Variants in GREB1L observed in about 807,000 individuals in gnomAD.
GREB1L encodes GREB1-like protein.
In GREB1L, 17 loss-of-function variants were observed where a neutral mutation model predicts 200.8. That is an observed-to-expected ratio of 0.08 (90% CI 0.06 to 0.13). The LOEUF is 0.13. GREB1L is among the 10% of genes least tolerant of loss of function. GREB1L has a pLI of 1.00. For synonymous variants in GREB1L, 789 were observed against 893.0 expected (o/e 0.88, Z 2.08); for missense variants, 1,657 against 2,367.7 (o/e 0.70, Z 6.23).
Position 21,495,653 on chromosome 18 carries a change from C to A in GREB1L, c.3031-17C>A. The A allele has an allele frequency of 7.8e-7, 1 of 1,279,816 alleles. No individual in the cohort carries two copies. Among genetic ancestry groups the A allele is most frequent in the Non-Finnish European group, 1.1e-6 (1 of 909,294 alleles). 79.3% of individuals were successfully genotyped at this position (1,279,816 alleles called of 1,614,324 possible). A position where few individuals can be genotyped will look rare whatever the true frequency, so the allele number is the denominator to read the frequency against. The stretch of plus-strand genomic sequence containing the variant: ...AAATGAGAGTTTTAATTTTAACATA[C>A]GGGTCTCTTTCTGTAGAGTTGGAGA... On this transcript the variant is annotated splice_polypyrimidine_tract_variant and intron_variant, in intron 19 of 32. Transcript: ENST00000424526.
At chr18:21,471,864 G>A (rs1437701022) in intron 15 of GREB1L, among the ~76,000 whole-genome samples, 7 of 151,852 alleles carry the variant, frequency 4.6e-5, no homozygotes, top group African/African-American at 9.7e-5. Flanking sequence ...CAAGTGGTGC[G>A]CCTGTCTTAG....
At chr18:21,347,461 C>T (rs1475804506) in intron 1 of GREB1L, among the ~76,000 whole-genome samples, 1 of 144,958 alleles carries the variant, frequency 6.9e-6, no homozygotes, top group East Asian at 2.0e-4. Flanking sequence ...TTGCTTCACT[C>T]TTTTTTTTTT....
chr18:21,344,443 A>G (rs969187510), intron 1 of GREB1L, among the ~76,000 whole-genome samples: 1 of 151,814 alleles, frequency 6.6e-6, no homozygotes, highest in Non-Finnish European at 1.5e-5. Flanking sequence ...CAACTGCTTG[A>G]TAGTGTTAGA....
chr18:21,349,336 T>A (rs930764862), intron 1 of GREB1L, among the ~76,000 whole-genome samples: 1 of 152,198 alleles, frequency 6.6e-6, no homozygotes, highest in Non-Finnish European at 1.5e-5. Flanking sequence ...ACTTACTTTT[T>A]AAATTTTTTT....
intron 1 of GREB1L, among the ~76,000 whole-genome samples, chr18:21,264,486 A>T (rs1248691862): frequency 6.6e-6 from 1 of 152,186 alleles, no homozygotes. Context: ...ATGGATGTTC[A>T]TTGGAATAGA....
At chr18:21,264,782 A>G (rs1463192300) in intron 1 of GREB1L, among the ~76,000 whole-genome samples, 2 of 150,824 alleles carry the variant, frequency 1.3e-5, no homozygotes, top group African/African-American at 4.9e-5. Context: ...AGATGCCTGG[A>G]AAGTTTACAC....
intron 4 of GREB1L, among the ~76,000 whole-genome samples, chr18:21,394,931 TAAA>T (rs745423470): frequency 1.2e-5 from 1 of 82,668 alleles, no homozygotes. Context: ...CCATCTCTAC[TAAA>T]AAAAAAAAAA....
chr18:21,266,127 C>G (rs1404829623), intron 1 of GREB1L, among the ~76,000 whole-genome samples: 1 of 152,184 alleles, frequency 6.6e-6, no homozygotes, highest in African/African-American at 2.4e-5. Context: ...GTCTCAAGGT[C>G]TGGCTCAGGT....
chr18:21,331,001 C>T (rs1297466487), intron 1 of GREB1L, among the ~76,000 whole-genome samples: 1 of 152,118 alleles, frequency 6.6e-6, no homozygotes, highest in Non-Finnish European at 1.5e-5. Flanking sequence ...TATACTGTTC[C>T]ATAGTTTTGA....
At position 21,419,058 on chromosome 18, in the gene GREB1L, T is replaced by A. The variant is rs149849934; in HGVS notation, c.832+15064T>A. 3.8e-4 allele frequency among the ~76,000 whole-genome samples: 58 copies of A among 152,340 alleles called. 1 individual carries two copies. In the East Asian group the frequency reaches 0.011, roughly 28 times the overall value. On this transcript the variant is annotated intron_variant, in intron 7 of 32. Coordinates refer to ENST00000424526, the MANE Select transcript of GREB1L (RefSeq NM_001142966.3). ...GTTACAATTGCCTATAGCATTCATA[T>A]AGTAGTTATTCATGTTGTAATTATT... is the stretch of plus-strand genomic sequence containing the variant.
chr18:21,399,494 T>TGG (rs3046700), intron 5 of GREB1L, among the ~76,000 whole-genome samples: 17 of 150,858 alleles, frequency 1.1e-4, no homozygotes, highest in Admixed American at 2.6e-4. Flanking sequence ...GATGGATGGA[T>TGG]AGATGGATGG....
chr18:21,507,629 T>G (rs2037067955), intron 25 of GREB1L, among the ~76,000 whole-genome samples: 1 of 152,220 alleles, frequency 6.6e-6, no homozygotes, highest in Admixed American at 6.5e-5. Context: ...GCTAAATGAT[T>G]GAACCTCTTC....
At chr18:21,347,291 C>A (rs1231906488) in intron 1 of GREB1L, among the ~76,000 whole-genome samples, 9 of 149,086 alleles carry the variant, frequency 6.0e-5, no homozygotes, top group Admixed American at 1.3e-4. Flanking sequence ...AAAAAAAAAA[C>A]AAACAAAAAC....
intron 4 of GREB1L, among the ~76,000 whole-genome samples, chr18:21,390,740 T>C (rs1462836661): frequency 6.6e-6 from 1 of 152,128 alleles, no homozygotes; most frequent in African/African-American, 2.4e-5. Context: ...TTTCACCATA[T>C]TGGCCAGGAT....
At chr18:21,487,468 C>A (rs747582391) in intron 18 of GREB1L, among the ~76,000 whole-genome samples, 19 of 152,216 alleles carry the variant, frequency 1.2e-4, no homozygotes, top group Non-Finnish European at 2.1e-4. Context: ...TTTCCTCCAA[C>A]CCAGTCACCC....
intron 2 of GREB1L, among the ~76,000 whole-genome samples, chr18:21,372,378 C>T (rs1598709319): frequency 6.6e-6 from 1 of 151,782 alleles, no homozygotes; most frequent in Non-Finnish European, 1.5e-5. Flanking sequence ...GAACTCCTGA[C>T]CTTGTGATCC....
intron 18 of GREB1L, among the ~76,000 whole-genome samples, chr18:21,488,500 C>T (rs1490187233): frequency 6.6e-6 from 1 of 152,080 alleles, no homozygotes; most frequent in Non-Finnish European, 1.5e-5. Flanking sequence ...AGGTGAAATC[C>T]CCCATTAGCC....
At chr18:21,302,794 T>G (rs1598642581) in intron 1 of GREB1L, among the ~76,000 whole-genome samples, 2 of 152,266 alleles carry the variant, frequency 1.3e-5, no homozygotes, top group East Asian at 3.9e-4. Flanking sequence ...TGATCTCGGC[T>G]CACTGCAACC....
chr18:21,314,748 G>GT (rs1221734473), intron 1 of GREB1L, among the ~76,000 whole-genome samples: 1 of 152,198 alleles, frequency 6.6e-6, no homozygotes, highest in African/African-American at 2.4e-5. Flanking sequence ...CAGTGTTAAT[G>GT]TGAAAGCAGC....
Sources: gnomAD v4.1 joint callset for allele counts (sites outside exome capture counted in the v4.1 genomes callset) on GRCh38, gnomAD v4.1.1 for gene constraint, MANE v1.5 for transcripts, NCBI Gene and HGNC (gene_info 2026-07-23, HGNC 2026-07-21) for gene names.